UQCRB: variants seen among roughly 807,000 people sequenced by gnomAD.
The protein encoded by UQCRB is ubiquinol-cytochrome c reductase binding protein.
A neutral mutation model predicts 19.8 loss-of-function variants in UQCRB; 12 were observed. That is an observed-to-expected ratio of 0.61 (90% CI 0.39 to 0.98). UQCRB has a LOEUF of 0.98. UQCRB is among the 50% of genes least tolerant of loss of function. The pLI, the probability that UQCRB is intolerant of heterozygous loss-of-function variation, is 0.00. For synonymous variants in UQCRB, 39 were observed against 42.9 expected (o/e 0.91, Z 0.35); for missense variants, 142 against 131.8 (o/e 1.08, Z -0.38).
rs764734507 is a variant in UQCRB, at chr8:96,227,336, T to C, written c.*3719A>G. 5.9e-5 allele frequency: 27 copies of C among 454,090 alleles called. No individual in the cohort carries two copies. Among genetic ancestry groups the C allele is most frequent in the South Asian group, 4.2e-4 (27 of 64,478 alleles). 28.1% of individuals were successfully genotyped at this position (454,090 alleles called of 1,614,324 possible). A position where few individuals can be genotyped will look rare whatever the true frequency, so the allele number is the denominator to read the frequency against. On this transcript the variant is annotated 3_prime_UTR_variant, in exon 4 of 4. Coordinates refer to ENST00000287022, the MANE Select transcript of UQCRB (RefSeq NM_006294.5). The stretch of plus-strand genomic sequence containing the variant: ...TGAAAAATGAAGGAGGGGAGGGAGT[T>C]GGTGGGGCGCAGAATGGAGAAATCT...
chr8:96,233,302 A>C, intron 1 of UQCRB, 75 bp from the exon 2 acceptor site: 1 of 1,377,272 alleles, frequency 7.3e-7, no homozygotes, highest in Admixed American at 1.7e-5. Flanking sequence ...AGCAACCAGT[A>C]CTCAGTTATC....
At position 96,229,588 on chromosome 8, in the gene UQCRB, A is replaced by C; in HGVS notation, c.*1467T>G. The C allele has an allele frequency of 2.2e-6, 1 of 454,114 alleles. No homozygotes were observed. The highest frequency in any genetic ancestry group is 4.4e-6 in the Non-Finnish European group (1 of 226,788). The allele number at this position is 454,114 out of a possible 1,614,324, so 28.1% of individuals were successfully genotyped here. ...TTTCTGAATAGACAAATGCTTTTAA[A>C]GGGGGTTCTAGACAGCCCATCTTCT... On this transcript the variant is annotated 3_prime_UTR_variant, in exon 4 of 4. Transcript: ENST00000287022.
rs1171277124 is a variant in UQCRB at position 96,225,779 on chromosome 8, G to A, written c.*5276C>T. On this transcript the variant is annotated 3_prime_UTR_variant, in exon 4 of 4. Transcript: ENST00000287022. The stretch of plus-strand genomic sequence containing the variant: ...AGTTTACCTTCTCCATGTTTCCATA[G>A]TACCCAGTACATATTTTTTGTGGAC... The A allele has an allele frequency of 6.6e-6, 1 of 151,924 alleles. No individual in the cohort carries two copies. The highest frequency in any genetic ancestry group is 6.6e-5 in the Admixed American group (1 of 15,242). 9.4% of individuals were successfully genotyped at this position (151,924 alleles called of 1,614,324 possible).
Position 96,235,541 on chromosome 8 carries a change from A to C in UQCRB, c.-11T>G. On this transcript the variant is annotated 5_prime_UTR_variant, in exon 1 of 4. Transcript: ENST00000287022. ...CTGCTTACCAGCCATTTTGACCAGA[A>C]AGAGAAGCGTTGCCTTCTGGGTAAG... 1.9e-6 allele frequency: 3 copies of C among 1,614,206 alleles called. No individual in the cohort carries two copies. Among genetic ancestry groups the C allele is most frequent in the Non-Finnish European group, 2.5e-6 (3 of 1,180,034 alleles).
In UQCRB at chr8:96,225,227, C is replaced by T. The variant is rs1010623879; in HGVS notation, c.*5828G>A. 6.6e-6 allele frequency among the ~76,000 whole-genome samples: 1 copy of T among 152,220 alleles called. No individual in the cohort carries two copies. The highest frequency in any genetic ancestry group is 6.5e-5 in the Admixed American group (1 of 15,280). ...AACTTGATAATAGCATATGGAAAAA[C>T]GTCTAGCTACTCAATCCAAGAAATG... On this transcript the variant is annotated 3_prime_UTR_variant, in exon 4 of 4. Transcript: ENST00000287022.
At position 96,224,143 on chromosome 8, in the gene UQCRB, A is replaced by G. The variant is rs1486454910; in HGVS notation, c.*6912T>C. ...CTGTGTGAGTCAGAGTCCTGGCAGG[A>G]AAGTGTGGCACACCCAATCAGGCAA... On this transcript the variant is annotated 3_prime_UTR_variant, in exon 4 of 4. Transcript: ENST00000287022. 6.6e-6 allele frequency among the ~76,000 whole-genome samples: 1 copy of G among 152,210 alleles called. No homozygotes were observed. Among genetic ancestry groups the G allele is most frequent in the Non-Finnish European group, 1.5e-5 (1 of 68,042 alleles).
intron 1 of UQCRB, chr8:96,234,335 T>C (rs528674207): frequency 2.9e-5 from 11 of 377,240 alleles, no homozygotes; most frequent in Admixed American, 6.8e-5. Context: ...TAAGCACTTA[T>C]TGTGCACCAA....
In UQCRB at chr8:96,229,953, C is replaced by T. The variant is rs1458961681; in HGVS notation, c.*1102G>A. ...GCATTCCTGCCACACACAGCAATGA[C>T]TTGTCCTGGAAAACCAGGGAGGCTG... On this transcript the variant is annotated 3_prime_UTR_variant, in exon 4 of 4. Coordinates refer to ENST00000287022, the MANE Select transcript of UQCRB (RefSeq NM_006294.5). The T allele has an allele frequency of 2.2e-6, 1 of 454,140 alleles. No individual in the cohort carries two copies. The highest frequency in any genetic ancestry group is 1.6e-5 in the South Asian group (1 of 64,482). The allele number at this position is 454,140 out of a possible 1,614,324, so 28.1% of individuals were successfully genotyped here. A position where few individuals can be genotyped will look rare whatever the true frequency, so the allele number is the denominator to read the frequency against.
At chr8:96,235,075 G>A (rs72678822) in intron 1 of UQCRB, 554 of 282,276 alleles carry the variant, frequency 2.0e-3, no homozygotes, top group South Asian at 3.1e-3. Context: ...GCGTAAAAGG[G>A]AAATTAATAT....
At chr8:96,233,321 G>T in intron 1 of UQCRB, 94 bp from the exon 2 acceptor site, 2 of 1,106,684 alleles carry the variant, frequency 1.8e-6, no homozygotes, top group Non-Finnish European at 2.8e-6. Flanking sequence ...TCTTGCTGAT[G>T]AATGCAAACA....
chr8:96,223,985 C>G lies in UQCRB; in HGVS notation c.*7070G>C, dbSNP rs1199167113. On this transcript the variant is annotated 3_prime_UTR_variant, in exon 4 of 4. Coordinates refer to ENST00000287022, the MANE Select transcript of UQCRB (RefSeq NM_006294.5). Reference sequence around the variant, plus strand: ...ACTAGTGTGGTCTCCTGGAGTCTGACTCTGGGGCATGAGTTAGCTTACCTC... The same window carrying G: ...ACTAGTGTGGTCTCCTGGAGTCTGAGTCTGGGGCATGAGTTAGCTTACCTC... 6.6e-6 allele frequency among the ~76,000 whole-genome samples: 1 copy of G among 152,152 alleles called. No homozygotes were observed. The highest frequency in any genetic ancestry group is 6.6e-5 in the Admixed American group (1 of 15,266).
At position 96,231,884 on chromosome 8, in the gene UQCRB, T is replaced by G; in HGVS notation, c.148A>C (p.Arg50=). Residue 50 remains arginine, a synonymous_variant, in exon 3 of 4, where the codon AGA becomes CGA. Coordinates refer to ENST00000287022, the MANE Select transcript of UQCRB (RefSeq NM_006294.5). The stretch of plus-strand genomic sequence containing the variant: ...TCATTATAAAGGTTCTCAGGAAGTC[T>G]TCTTATGGCTTCTTTTACATCTTCA... ...EDEDVKEAIR[R]LPENLYNDRM... is the part of the protein sequence containing the mutation. 6.2e-7 allele frequency: 1 copy of G among 1,614,074 alleles called. No individual in the cohort carries two copies. Among genetic ancestry groups the G allele is most frequent in the Non-Finnish European group, 8.5e-7 (1 of 1,180,026 alleles).
intron 2 of UQCRB, chr8:96,232,163 G>A (rs2129810754): frequency 1.8e-6 from 1 of 551,362 alleles, no homozygotes; most frequent in East Asian, 3.2e-5. Flanking sequence ...TTGATATAAT[G>A]GGTTACTTCT....
chr8:96,230,933 C>T lies in UQCRB; in HGVS notation c.*122G>A. The T allele has an allele frequency of 2.8e-6, 3 of 1,071,800 alleles. No homozygotes were observed. In the East Asian group the frequency reaches 7.2e-5, roughly 26 times the overall value. 66.4% of individuals were successfully genotyped at this position (1,071,800 alleles called of 1,614,324 possible). ...TATAAGGTTTGGAATTCAAAAACTCCAGCCATTACAATAGACATTTATTTA... is the reference window on the plus strand; with the variant it reads ...TATAAGGTTTGGAATTCAAAAACTCTAGCCATTACAATAGACATTTATTTA... On this transcript the variant is annotated 3_prime_UTR_variant, in exon 4 of 4. Coordinates refer to ENST00000287022, the MANE Select transcript of UQCRB (RefSeq NM_006294.5).
rs752241013 is a variant in UQCRB at position 96,229,725 on chromosome 8, T to G, written c.*1330A>C. The G allele has an allele frequency of 4.4e-6, 2 of 453,042 alleles. No individual in the cohort carries two copies. The highest frequency in any genetic ancestry group is 1.6e-5 in the South Asian group (1 of 64,366). The allele number at this position is 453,042 out of a possible 1,614,324, so 28.1% of individuals were successfully genotyped here. ...TCAACCATACAAAAGAAAATTGACA[T>G]GATTTCAGGATAGGTTTAGAAAAAT... On this transcript the variant is annotated 3_prime_UTR_variant, in exon 4 of 4. Coordinates refer to ENST00000287022, the MANE Select transcript of UQCRB (RefSeq NM_006294.5).
rs7002575 is a variant in UQCRB, at chr8:96,229,896, G to A, written c.*1159C>T. The A allele has an allele frequency of 0.44, 201,482 of 453,484 alleles. 46,287 individuals are homozygous for A. The highest frequency in any genetic ancestry group is 0.49 in the African/African-American group (24,537 of 49,976). The allele number at this position is 453,484 out of a possible 1,614,324, so 28.1% of individuals were successfully genotyped here. A position where few individuals can be genotyped will look rare whatever the true frequency, so the allele number is the denominator to read the frequency against. On this transcript the variant is annotated 3_prime_UTR_variant, in exon 4 of 4. Transcript: ENST00000287022. The stretch of plus-strand genomic sequence containing the variant: ...CAAACTTTAAATGTAACACAAATTC[G>A]TTTTTCACACTGTTTTGTTATTTGA...
chr8:96,235,201 G>A (rs1809779570), intron 1 of UQCRB: 4 of 540,548 alleles, frequency 7.4e-6, no homozygotes, highest in African/African-American at 3.8e-5. Context: ...TTATCCTCTT[G>A]TGCCCTTTAA....
At chr8:96,235,187 C>A in intron 1 of UQCRB, 1 of 511,294 alleles carries the variant, frequency 2.0e-6, no homozygotes, top group Non-Finnish European at 3.5e-6. Flanking sequence ...AAGTCATCCA[C>A]TAGTTATCCT....
chr8:96,231,378 C>A (rs1188720782), intron 3 of UQCRB: 1 of 1,540,348 alleles, frequency 6.5e-7, no homozygotes, highest in African/African-American at 1.4e-5. Context: ...TGTCCACAGG[C>A]CTTTGCCTAG....
Sources: allele counts gnomAD v4.1 joint callset (sites outside exome capture counted in the v4.1 genomes callset), GRCh38; gene constraint gnomAD v4.1.1; transcripts MANE v1.5; gene names NCBI Gene and HGNC (gene_info 2026-07-23, HGNC 2026-07-21).